Variants in ASB9 observed in about 807,000 individuals in gnomAD.
ASB9 encodes ankyrin repeat and SOCS box containing 9, also known as ankyrin repeat and SOCS box protein 9.
In ASB9, 5 loss-of-function variants were observed where a neutral mutation model predicts 16.6. The observed-to-expected ratio is 0.30, with a 90% confidence interval of 0.16 to 0.63. The LOEUF is 0.63. Ranked by LOEUF, ASB9 falls within the 30% of genes least tolerant of loss-of-function variation. The probability of loss-of-function intolerance (pLI) is 0.82; values close to 1 mark genes in which losing one functional copy is unlikely to be tolerated. For synonymous variants in ASB9, 100 were observed against 86.4 expected (o/e 1.16, Z -0.87); for missense variants, 216 against 229.4 (o/e 0.94, Z 0.38).
At chrX:15,249,738 G>C (rs1488707828) in intron 5 of ASB9, among the ~76,000 whole-genome samples, 1 of 112,335 alleles carries the variant, frequency 8.9e-6, no homozygotes, top group Non-Finnish European at 1.9e-5. Flanking sequence ...AATCTGCCCA[G>C]AGTGGCAGAG....
chrX:15,249,233 C>T (rs1383736430), intron 5 of ASB9, among the ~76,000 whole-genome samples: 1 of 112,187 alleles, frequency 8.9e-6, no homozygotes, highest in Non-Finnish European at 1.9e-5. Flanking sequence ...CATAAAAGCT[C>T]CACATTATTA....
rs749291881 is a variant in ASB9 at position 15,247,200 on chromosome X, G to A, written c.760+1544C>T. Among the ~76,000 whole-genome samples, 3 of 111,539 alleles carry A rather than the reference G, an allele frequency of 2.7e-5. No individual in the cohort carries two copies. The East Asian group carries it at 8.5e-4, about 31-fold the overall frequency. On this transcript the variant is annotated intron_variant, in intron 6 of 6. Coordinates refer to ENST00000380488, the MANE Select transcript of ASB9 (RefSeq NM_001031739.3). ...CCTGACCCCATTTCTTGTGGGCTCC[G>A]AGCCCTCTGAGAGGTGACTACACCA... is the stretch of plus-strand genomic sequence containing the variant.
At chrX:15,267,136 C>G (rs1218757820) in intron 1 of ASB9, among the ~76,000 whole-genome samples, 1 of 113,315 alleles carries the variant, frequency 8.8e-6, no homozygotes, top group Non-Finnish European at 1.9e-5. Context: ...TGGCTCACAC[C>G]TGTAATCCTA....
rs1168066388 is a variant in ASB9 at position 15,254,784 on chromosome X, C to A, written c.235G>T (p.Gly79Ter). 1 of 1,211,071 alleles carries A rather than the reference C, an allele frequency of 8.3e-7. No individual in the cohort carries two copies. Among genetic ancestry groups the A allele is most frequent in the Non-Finnish European group, 1.1e-6 (1 of 895,172 alleles). ...HVSPLHEACL[G>*]GHLSCVKILL... ...ATCTTCACACAAGAGAGATGACCTCCAAGACAGGCTTCATGGAGTGGGGAA... is the reference window on the plus strand; with the variant it reads ...ATCTTCACACAAGAGAGATGACCTCAAAGACAGGCTTCATGGAGTGGGGAA... Residue 79 changes from glycine (G) to a stop codon, truncating the protein, a stop_gained, in exon 3 of 7, where the codon GGA becomes TGA. Coordinates refer to ENST00000380488, the MANE Select transcript of ASB9 (RefSeq NM_001031739.3). LOFTEE classifies it high-confidence loss of function.
At chrX:15,255,949 A>T (rs978719938) in intron 2 of ASB9, among the ~76,000 whole-genome samples, 1 of 110,659 alleles carries the variant, frequency 9.0e-6, no homozygotes, top group African/African-American at 3.3e-5. Flanking sequence ...GTTTCACCCA[A>T]TTTTTTTTCT....
intron 1 of ASB9, among the ~76,000 whole-genome samples, chrX:15,263,023 C>T (rs1280582282): frequency 8.9e-6 from 1 of 112,122 alleles, no homozygotes; most frequent in Non-Finnish European, 1.9e-5. Flanking sequence ...AAATTGTACC[C>T]TCATCAAACC....
intron 6 of ASB9, among the ~76,000 whole-genome samples, chrX:15,245,307 G>A (rs913238245): frequency 9.0e-6 from 1 of 111,060 alleles, no homozygotes; most frequent in African/African-American, 3.3e-5. Context: ...GACATTTTTG[G>A]TTGCCAAAAC....
chrX:15,265,107 C>T (rs557632215), intron 1 of ASB9, among the ~76,000 whole-genome samples: 2 of 112,290 alleles, frequency 1.8e-5, no homozygotes, highest in East Asian at 5.6e-4. Flanking sequence ...TTGGTTGACT[C>T]TCAGCTCTTA....
intron 1 of ASB9, among the ~76,000 whole-genome samples, chrX:15,261,667 T>A (rs985412754): frequency 1.8e-5 from 2 of 111,193 alleles, no homozygotes; most frequent in Non-Finnish European, 3.8e-5. Flanking sequence ...CTGCAGAATG[T>A]AGTGTTTACA....
chrX:15,244,900 T>C (rs1290879429), intron 6 of ASB9, among the ~76,000 whole-genome samples: 1 of 111,857 alleles, frequency 8.9e-6, no homozygotes, highest in Non-Finnish European at 1.9e-5. Flanking sequence ...GAGGCTTAAA[T>C]AAGCTAACTT....
At position 15,258,875 on chromosome X, in the gene ASB9, G is replaced by A; in HGVS notation, c.165C>T (p.Leu55=). 8.3e-7 allele frequency: 1 copy of A among 1,209,224 alleles called. No individual in the cohort carries two copies. Among genetic ancestry groups the A allele is most frequent in the Non-Finnish European group, 1.1e-6 (1 of 893,143 alleles). Residue 55 remains leucine (L), a synonymous_variant, in exon 2 of 7, where the codon CTC becomes CTT. Transcript: ENST00000380488. ...IHGHQLSLRN[L]ISQGWAVNII... ...ATTTTCAAAAAGCTACCTGGCTGAT[G>A]AGGTTCCTCAGAGACAGCTGATGTC...
intron 6 of ASB9, 159 bp downstream of exon 6, chrX:15,248,585 T>G: frequency 1.1e-6 from 1 of 912,660 alleles, no homozygotes; most frequent in Non-Finnish European, 1.5e-6. Flanking sequence ...CAGTACTGTA[T>G]CTCATTGAAT....
chrX:15,267,616 G>A (rs1018612209), intron 1 of ASB9, among the ~76,000 whole-genome samples: 13 of 95,473 alleles, frequency 1.4e-4, no homozygotes, highest in African/African-American at 1.9e-4. Flanking sequence ...GGTGGCGGAC[G>A]CCTGTAATCC....
At chrX:15,255,487 T>C (rs1211679187) in intron 2 of ASB9, among the ~76,000 whole-genome samples, 1 of 111,458 alleles carries the variant, frequency 9.0e-6, no homozygotes, top group Admixed American at 9.5e-5. Flanking sequence ...CAGGATTGTG[T>C]TCTAGAAAGC....
chrX:15,249,451 C>T (rs1166951091), intron 5 of ASB9, among the ~76,000 whole-genome samples: 1 of 112,288 alleles, frequency 8.9e-6, no homozygotes, highest in Non-Finnish European at 1.9e-5. Flanking sequence ...CCCAAGATCA[C>T]AGGGAAGGTG....
In ASB9 at chrX:15,248,954, A is replaced by G; in HGVS notation, c.569-19T>C. The G allele has an allele frequency of 8.8e-7, 1 of 1,141,339 alleles. No individual in the cohort carries two copies. Among genetic ancestry groups the G allele is most frequent in the Non-Finnish European group, 1.2e-6 (1 of 860,173 alleles). The allele number at this position is 1,141,339 out of a possible 1,213,427, so 94.1% of individuals were successfully genotyped here. ...TCCGCTCCTAAACAGTCACGAGAAC[A>G]AAAAAGAGTCAGCAAGGAGCAGAAT... On this transcript the variant is annotated intron_variant, in intron 5 of 6. Transcript: ENST00000380488.
intron 6 of ASB9, among the ~76,000 whole-genome samples, chrX:15,246,633 G>A (rs928388275): frequency 1.5e-4 from 17 of 110,848 alleles, no homozygotes; most frequent in African/African-American, 5.3e-4. Context: ...CTGCCACCAC[G>A]CCCGGCTAAT....
intron 1 of ASB9, among the ~76,000 whole-genome samples, chrX:15,266,055 G>A (rs1344653928): frequency 9.1e-6 from 1 of 110,384 alleles, no homozygotes; most frequent in Non-Finnish European, 1.9e-5. Context: ...CGCCTGCCTC[G>A]GCCTCCCAAA....
chrX:15,268,319 G>GA (rs1317889835), intron 1 of ASB9, among the ~76,000 whole-genome samples: 1 of 81,492 alleles, frequency 1.2e-5, no homozygotes, highest in Non-Finnish European at 2.5e-5. Context: ...GCGACAGAAT[G>GA]AGACTCCGTC....
Sources: gnomAD v4.1 joint callset for allele counts (sites outside exome capture counted in the v4.1 genomes callset) on GRCh38, gnomAD v4.1.1 for gene constraint, MANE v1.5 for transcripts, NCBI Gene and HGNC (gene_info 2026-07-23, HGNC 2026-07-21) for gene names.